SNX8: variants seen among roughly 807,000 people sequenced by gnomAD.
The protein encoded by SNX8 is sorting nexin-8.
SNX8 carries 25 observed loss-of-function variants against 51.6 expected under a neutral mutation model. That is an observed-to-expected ratio of 0.48 (90% CI 0.35 to 0.68). SNX8 has a LOEUF of 0.68. Ranked by LOEUF, SNX8 falls within the 30% of genes least tolerant of loss-of-function variation. The pLI, the probability that SNX8 is intolerant of heterozygous loss-of-function variation, is 0.00. For synonymous variants in SNX8, 324 were observed against 277.0 expected, an observed-to-expected ratio of 1.17 and a Z score of -1.68; for missense variants, 695 against 624.0, an observed-to-expected ratio of 1.11 and a Z score of -1.21.
At chr7:2,303,096 G>A (rs1796445530) in intron 1 of SNX8, among the ~76,000 whole-genome samples, 1 of 148,148 alleles carries the variant, frequency 6.8e-6, no homozygotes, top group Non-Finnish European at 1.5e-5. Context: ...GCCCCGTCCG[G>A]GAGGGAGGTG....
rs1328830883 is a variant in SNX8, at chr7:2,282,419, ACT to A, written c.95-4116_95-4115del. 3.3e-5 allele frequency among the ~76,000 whole-genome samples: 5 copies of A among 152,280 alleles called. No homozygotes were observed. The East Asian group carries it at 9.6e-4, about 29-fold the overall frequency. On this transcript the variant is annotated intron_variant, in intron 1 of 10. Transcript: ENST00000222990. ...TCAGGCCCAAGTCAGCCGCCGGCCC[ACT>A]GTGACCCCTCTTTGCAACAAAAAAA...
intron 1 of SNX8, among the ~76,000 whole-genome samples, chr7:2,284,623 C>G (rs2115151796): frequency 6.6e-6 from 1 of 151,538 alleles, no homozygotes; most frequent in South Asian, 2.1e-4. Context: ...CCAGGCTGGT[C>G]TCGATCTCCT....
At chr7:2,299,963 A>T (rs1796356020) in intron 1 of SNX8, among the ~76,000 whole-genome samples, 1 of 152,176 alleles carries the variant, frequency 6.6e-6, no homozygotes, top group Non-Finnish European at 1.5e-5. Context: ...CACAGCAAGG[A>T]AGAAGGCGCA....
intron 1 of SNX8, among the ~76,000 whole-genome samples, chr7:2,278,748 A>G (rs1268310551): frequency 1.2e-5 from 1 of 80,336 alleles, no homozygotes; most frequent in Non-Finnish European, 2.5e-5. Flanking sequence ...CACACTACGG[A>G]GTCGAAGCCG....
At chr7:2,283,322 GC>G (rs1795951397) in intron 1 of SNX8, among the ~76,000 whole-genome samples, 1 of 152,148 alleles carries the variant, frequency 6.6e-6, no homozygotes, top group African/African-American at 2.4e-5. Flanking sequence ...GGCCAAGCCC[GC>G]CCCGGACTGG....
intron 7 of SNX8, among the ~76,000 whole-genome samples, chr7:2,259,318 C>T (rs1232092792): frequency 6.6e-6 from 1 of 152,232 alleles, no homozygotes; most frequent in Non-Finnish European, 1.5e-5. Context: ...TGAAGGGCTC[C>T]GGTCCCCACA....
At chr7:2,259,370 G>T (rs180940375) in intron 7 of SNX8, among the ~76,000 whole-genome samples, 1 of 152,218 alleles carries the variant, frequency 6.6e-6, no homozygotes, top group Admixed American at 6.5e-5. Context: ...GCACCTCGGG[G>T]AGACCAAGCT....
intron 1 of SNX8, among the ~76,000 whole-genome samples, chr7:2,320,739 G>A (rs1796818150): frequency 6.6e-6 from 1 of 151,058 alleles, no homozygotes; most frequent in Non-Finnish European, 1.5e-5. Context: ...ATATAAACAA[G>A]GCCAGGCGCG....
At chr7:2,344,729 T>A (rs1177890059) in intron 1 of SNX8, among the ~76,000 whole-genome samples, 1 of 151,858 alleles carries the variant, frequency 6.6e-6, no homozygotes. Context: ...GAGGACAGCC[T>A]GGCCAACAGG....
At chr7:2,284,415 T>TG (rs1795975440) in intron 1 of SNX8, among the ~76,000 whole-genome samples, 1 of 146,400 alleles carries the variant, frequency 6.8e-6, no homozygotes, top group Non-Finnish European at 1.5e-5. Flanking sequence ...TTTTTTTTTT[T>TG]TTTTGAGACA....
intron 1 of SNX8, among the ~76,000 whole-genome samples, chr7:2,304,569 C>T (rs1205536399): frequency 2.0e-5 from 3 of 152,104 alleles, no homozygotes; most frequent in Non-Finnish European, 4.4e-5. Flanking sequence ...TCCATCTCCC[C>T]AAGGACAGGG....
intron 3 of SNX8, among the ~76,000 whole-genome samples, chr7:2,273,919 C>A (rs79255313): frequency 2.7e-5 from 4 of 149,806 alleles, no homozygotes; most frequent in Non-Finnish European, 5.9e-5. Flanking sequence ...AAAAAAAAAA[C>A]ACCATAAAAG....
chr7:2,348,566 C>T (rs1220377536), intron 1 of SNX8, among the ~76,000 whole-genome samples: 1 of 151,612 alleles, frequency 6.6e-6, no homozygotes, highest in Non-Finnish European at 1.5e-5. Flanking sequence ...TGGTCTTGAT[C>T]TCCTGACCTT....
upstream of SNX8, among the ~76,000 whole-genome samples, chr7:2,315,155 T>C (rs181876540): frequency 1.6e-4 from 24 of 148,948 alleles, no homozygotes; most frequent in Non-Finnish European, 3.0e-5. Context: ...CACTGCATCC[T>C]GCATTCATTC....
At chr7:2,326,471 C>T (rs1447743075) in intron 1 of SNX8, among the ~76,000 whole-genome samples, 6 of 151,684 alleles carry the variant, frequency 4.0e-5, no homozygotes, top group African/African-American at 1.2e-4. Flanking sequence ...CAAGACCATC[C>T]TGGCTAACGC....
intron 1 of SNX8, among the ~76,000 whole-genome samples, chr7:2,349,888 C>T (rs1201813205): frequency 6.6e-6 from 1 of 152,070 alleles, no homozygotes; most frequent in Non-Finnish European, 1.5e-5. Context: ...ACAAACCCAC[C>T]CAGGCTGGCC....
At position 2,307,359 on chromosome 7, in the gene SNX8, G is replaced by A. The variant is rs191356495; in HGVS notation, c.94+6969C>T. ...CTCAGAGGATGACAATGGACCAGGT[G>A]CAGTGGCTCACGCCTGTAATCCCAG... On this transcript the variant is annotated intron_variant, in intron 1 of 10. Transcript: ENST00000222990. Among the ~76,000 whole-genome samples the A allele has an allele frequency of 1.6e-3, 247 of 152,038 alleles. 2 individuals are homozygous for A. Among genetic ancestry groups the A allele is most frequent in the African/African-American group, 5.9e-3 (243 of 41,464 alleles).
chr7:2,268,507 C>G (rs1240403310), intron 5 of SNX8, among the ~76,000 whole-genome samples: 1 of 130,884 alleles, frequency 7.6e-6, no homozygotes, highest in Admixed American at 7.4e-5. Context: ...GGTGGGGGGT[C>G]AGCCCCCCCG....
At position 2,287,297 on chromosome 7, in the gene SNX8, T is replaced by C. The variant is rs185731747; in HGVS notation, c.95-8992A>G. Among the ~76,000 whole-genome samples the C allele has an allele frequency of 8.6e-5, 13 of 151,048 alleles. No homozygotes were observed. In the East Asian group the frequency reaches 2.4e-3, roughly 27 times the overall value. On this transcript the variant is annotated intron_variant, in intron 1 of 10. Transcript: ENST00000222990. ...TGAAAAAAATATTAAAAGTGATTAT[T>C]GTCCAGGCGGGGTGCCTCACACCTG...
Sources: allele counts gnomAD v4.1 joint callset (sites outside exome capture counted in the v4.1 genomes callset), GRCh38; gene constraint gnomAD v4.1.1; transcripts MANE v1.5; gene names NCBI Gene and HGNC (gene_info 2026-07-23, HGNC 2026-07-21).